TMBIM6: variants seen among roughly 807,000 people sequenced by gnomAD.
TMBIM6 encodes bax inhibitor 1.
In TMBIM6, 13 loss-of-function variants were observed where a neutral mutation model predicts 31.4. The observed-to-expected ratio is 0.41, with a 90% CI of 0.27 to 0.66. The LOEUF is 0.66. TMBIM6 is among the 30% of genes least tolerant of loss of function. The pLI is 0.28. For missense variants in TMBIM6, 275 were observed against 289.5 expected, an observed-to-expected ratio of 0.95 and a Z score of 0.36; for synonymous variants, 85 against 101.7, an observed-to-expected ratio of 0.84 and a Z score of 0.99.
intron 4 of TMBIM6, among the ~76,000 whole-genome samples, chr12:49,756,082 C>G (rs1945586776): frequency 6.6e-6 from 1 of 151,920 alleles, no homozygotes; most frequent in South Asian, 2.1e-4. Context: ...ATCCGCCCGT[C>G]TCGGCCTCCT....
chr12:49,751,758 ATTTTT>A (rs58141027), intron 1 of TMBIM6, among the ~76,000 whole-genome samples: 22 of 108,526 alleles, frequency 2.0e-4, no homozygotes, highest in African/African-American at 8.3e-4. Flanking sequence ...TAGTGAGATA[ATTTTT>A]TTTTTTTTTT....
At chr12:49,755,826 C>A (rs569386546) in intron 4 of TMBIM6, 71 bp downstream of exon 4, 5 of 1,522,920 alleles carry the variant, frequency 3.3e-6, no homozygotes, top group East Asian at 4.6e-5. Flanking sequence ...AGTTCCCCCC[C>A]CTTTTTTTTT....
At chr12:49,745,241 G>A (rs188210757) in intron 1 of TMBIM6, among the ~76,000 whole-genome samples, 1 of 152,170 alleles carries the variant, frequency 6.6e-6, no homozygotes, top group Admixed American at 6.5e-5. Flanking sequence ...TACCATATCA[G>A]ATTATCACTT....
rs148057357 is a variant in TMBIM6 at position 49,763,808 on chromosome 12, G to A, written c.*912G>A. On this transcript the variant is annotated 3_prime_UTR_variant, in exon 10 of 10. Transcript: ENST00000267115. The stretch of plus-strand genomic sequence containing the variant: ...CATTGTAACCAATCCTGCCAGACCT[G>A]TTTGGGGCAGTGGGGAGCAAACCTA... The A allele has an allele frequency of 6.6e-6, 1 of 152,216 alleles. No individual in the cohort carries two copies. Among genetic ancestry groups the A allele is most frequent in the East Asian group, 1.9e-4 (1 of 5,194 alleles). The allele number at this position is 152,216 out of a possible 1,614,324, so 9.4% of individuals were successfully genotyped here. A position where few individuals can be genotyped will look rare whatever the true frequency, so the allele number is the denominator to read the frequency against.
intron 1 of TMBIM6, among the ~76,000 whole-genome samples, chr12:49,743,908 T>G (rs988637149): frequency 6.6e-6 from 1 of 152,368 alleles, no homozygotes; most frequent in South Asian, 2.1e-4. Context: ...TACGTTGATT[T>G]CACACAGATT....
At chr12:49,758,879 C>A in intron 7 of TMBIM6, 117 bp downstream of exon 7, 1 of 883,892 alleles carries the variant, frequency 1.1e-6, no homozygotes, top group Non-Finnish European at 1.7e-6. Flanking sequence ...CTAAGCCTTC[C>A]CATTATCCTT....
intron 3 of TMBIM6, among the ~76,000 whole-genome samples, 173 bp from the exon 4 acceptor site, chr12:49,755,462 C>T (rs886107824): frequency 6.6e-6 from 1 of 152,210 alleles, no homozygotes; most frequent in African/African-American, 2.4e-5. Context: ...TTCAAGGCTT[C>T]TGGGTTATCT....
Position 49,761,713 on chromosome 12 carries a change from T to G in TMBIM6, c.624T>G (p.Ile208Met), listed in dbSNP as rs1440955125. 1.2e-6 allele frequency: 2 copies of G among 1,614,242 alleles called. No homozygotes were observed. The highest frequency in any genetic ancestry group is 3.3e-5 in the Admixed American group (2 of 60,030). ...GGTTCTTGCCTTTCAGGCACTGCATTGATCTCTTCTTAGATTTCATTACTG... is the reference window on the plus strand; with the variant it reads ...GGTTCTTGCCTTTCAGGCACTGCATGGATCTCTTCTTAGATTTCATTACTG... ...HGDQDYIWHC[I>M]DLFLDFITVF... The change falls in exon 9 of 10, where the codon ATT becomes ATG. Residue 208 changes from isoleucine (I) to methionine (M), a missense_variant. Ile to Met is a conservative substitution (Grantham distance 10, BLOSUM62 1). Coordinates refer to ENST00000267115, the MANE Select transcript of TMBIM6 (RefSeq NM_003217.3).
intron 8 of TMBIM6, among the ~76,000 whole-genome samples, chr12:49,759,862 C>CA (rs1945680168): frequency 6.7e-6 from 1 of 149,148 alleles, no homozygotes; most frequent in Non-Finnish European, 1.5e-5. Context: ...CCTGTAATCC[C>CA]AGCACTTTGG....
chr12:49,750,436 A>G (rs555192701), intron 1 of TMBIM6, among the ~76,000 whole-genome samples: 1 of 152,304 alleles, frequency 6.6e-6, no homozygotes, highest in African/African-American at 2.4e-5. Context: ...TAGGGATGTC[A>G]TTAGGGGTGT....
At chr12:49,751,547 A>G (rs1477683078) in intron 1 of TMBIM6, among the ~76,000 whole-genome samples, 2 of 152,068 alleles carry the variant, frequency 1.3e-5, no homozygotes, top group African/African-American at 2.4e-5. Context: ...TTCTGCATAA[A>G]TTCCTTTTTT....
intron 8 of TMBIM6, among the ~76,000 whole-genome samples, chr12:49,759,561 T>C (rs1945672919): frequency 6.6e-6 from 1 of 152,086 alleles, no homozygotes; most frequent in African/African-American, 2.4e-5. Flanking sequence ...TCCTAGCACT[T>C]TGGGAGGCTG....
chr12:49,764,314 G>A lies in TMBIM6; in HGVS notation c.*1418G>A, dbSNP rs563941758. The A allele has an allele frequency of 6.6e-6, 1 of 152,326 alleles. No homozygotes were observed. The highest frequency in any genetic ancestry group is 2.1e-4 in the South Asian group (1 of 4,828). 9.4% of individuals were successfully genotyped at this position (152,326 alleles called of 1,614,324 possible). On this transcript the variant is annotated 3_prime_UTR_variant, in exon 10 of 10. Coordinates refer to ENST00000267115, the MANE Select transcript of TMBIM6 (RefSeq NM_003217.3). ...TCGAGCCATTGAAAGCTCATTACCA[G>A]TAGGACATAATTTTTGGCTCTCCCT...
chr12:49,760,936 T>A (rs973466609), intron 8 of TMBIM6, among the ~76,000 whole-genome samples: 2 of 152,032 alleles, frequency 1.3e-5, no homozygotes, highest in African/African-American at 4.8e-5. Flanking sequence ...GTCTCCCGGC[T>A]TCAGGTGTTT....
At chr12:49,760,684 T>G (rs1032662987) in intron 8 of TMBIM6, among the ~76,000 whole-genome samples, 1 of 151,510 alleles carries the variant, frequency 6.6e-6, no homozygotes, top group Non-Finnish European at 1.5e-5. Context: ...TTACAGGCAC[T>G]CTCCACCACG....
At chr12:49,755,873 GC>G in intron 4 of TMBIM6, 118 bp downstream of exon 4, 1 of 1,180,448 alleles carries the variant, frequency 8.5e-7, no homozygotes, top group Non-Finnish European at 1.1e-6. Context: ...TCGCTCTGTT[GC>G]CCAGGCCAGA....
intron 1 of TMBIM6, among the ~76,000 whole-genome samples, chr12:49,745,735 A>AAAAAAACAAAAAAAAAC (rs375099364): frequency 0.019 from 2,893 of 150,512 alleles, 128 homozygotes; most frequent in African/African-American, 0.068. Context: ...AAAAAAAAAA[A>AAAAAAACAAAAAAAAAC]CCCAGCACAT....
chr12:49,756,840 G>A (rs1592730012), intron 4 of TMBIM6, among the ~76,000 whole-genome samples: 1 of 151,888 alleles, frequency 6.6e-6, no homozygotes. Flanking sequence ...AGGTTCAAGC[G>A]ATTCTCCTGC....
intron 1 of TMBIM6, among the ~76,000 whole-genome samples, chr12:49,750,354 T>G (rs1164036328): frequency 6.6e-6 from 1 of 152,254 alleles, no homozygotes; most frequent in African/African-American, 2.4e-5. Context: ...CAAGAGGTTC[T>G]TTAGCATTGC....
Sources: gnomAD v4.1 joint callset for allele counts (sites outside exome capture counted in the v4.1 genomes callset) on GRCh38, gnomAD v4.1.1 for gene constraint, MANE v1.5 for transcripts, NCBI Gene and HGNC (gene_info 2026-07-23, HGNC 2026-07-21) for gene names.